SLBP: variants seen among roughly 807,000 people sequenced by gnomAD.
SLBP encodes the protein stem-loop histone mRNA binding protein, also known as histone RNA hairpin-binding protein.
In SLBP, 29 loss-of-function variants were observed where a neutral mutation model predicts 39.2. The ratio of observed to expected loss-of-function variants is 0.74; its 90% confidence interval spans 0.55 to 1.01. The LOEUF (loss-of-function observed/expected upper bound fraction) is 1.01. SLBP is among the 50% of genes least tolerant of loss of function. The probability of loss-of-function intolerance (pLI) is 0.00; values close to 1 mark genes in which losing one functional copy is unlikely to be tolerated. For missense variants in SLBP, 390 were observed against 350.2 expected (o/e 1.11, Z -0.91); for synonymous variants, 129 against 118.7 (o/e 1.09, Z -0.57).
intron 2 of SLBP, among the ~76,000 whole-genome samples, chr4:1,708,619 G>A (rs1403522749): frequency 6.6e-6 from 1 of 152,166 alleles, no homozygotes; most frequent in Non-Finnish European, 1.5e-5. Flanking sequence ...TTTAAAGCCT[G>A]TGTATGTGAA....
In SLBP at chr4:1,703,676, T is replaced by C. The variant is rs140082881; in HGVS notation, c.201A>G (p.Lys67=). 6.9e-3 allele frequency: 11,127 copies of C among 1,612,750 alleles called. 70 individuals carry two copies. The highest frequency in any genetic ancestry group is 7.9e-3 in the Non-Finnish European group (9,339 of 1,178,868). ...PESFTTPEGP[K]PRSRCSDWAS... ...CCCAGTCAGAGCATCTGGAACGGGG[T>C]TTAGGGCCTTCAGGAGTGGTAAAGC... The change falls in exon 3 of 8, where the codon AAA becomes AAG. Residue 67 remains lysine (K), a synonymous_variant. Coordinates refer to ENST00000489418, the MANE Select transcript of SLBP (RefSeq NM_006527.4).
Position 1,693,724 on chromosome 4 carries a change from G to T in SLBP, c.697-11C>A. The T allele has an allele frequency of 6.4e-7, 1 of 1,555,988 alleles. No homozygotes were observed. The highest frequency in any genetic ancestry group is 8.9e-7 in the Non-Finnish European group (1 of 1,127,294). The stretch of plus-strand genomic sequence containing the variant: ...GCCAGAGTACACATCCTGGAAAACA[G>T]AAGCATGGCTCGGTTGACATTCATC... On this transcript the variant is annotated splice_polypyrimidine_tract_variant and intron_variant, in intron 7 of 7. Coordinates refer to ENST00000489418, the MANE Select transcript of SLBP (RefSeq NM_006527.4).
At position 1,694,774 on chromosome 4, in the gene SLBP, A is replaced by G. The variant is rs1423801824; in HGVS notation, c.696T>C (p.Phe232=). The change falls in exon 7 of 8, where the codon TTT becomes TTC. Residue 232 remains phenylalanine, a splice_region_variant and synonymous_variant. Transcript: ENST00000489418. ...TGAAAGACTTATCCAAAGTACTTAC[A>G]AAGTCATCCTGAGAGCTGGTCTGGG... is the stretch of plus-strand genomic sequence containing the variant. The part of the protein sequence containing the change: ...SEPQTSSQDD[F]DVYSGTPTKV... 3.1e-6 allele frequency: 5 copies of G among 1,609,760 alleles called. No individual in the cohort carries two copies. The highest frequency in any genetic ancestry group is 4.3e-6 in the Non-Finnish European group (5 of 1,175,960).
At chr4:1,697,257 C>G (rs1484623098) in intron 5 of SLBP, among the ~76,000 whole-genome samples, 1 of 145,672 alleles carries the variant, frequency 6.9e-6, no homozygotes, top group African/African-American at 2.5e-5. Context: ...CACCTGAGAT[C>G]AGAAGTTCAA....
intron 2 of SLBP, among the ~76,000 whole-genome samples, chr4:1,706,064 G>A (rs1297134173): frequency 2.6e-5 from 4 of 152,094 alleles, no homozygotes. Flanking sequence ...GCGGGTGGAT[G>A]ACCCAAGGTA....
At chr4:1,696,116 C>A (rs1213781519) in intron 6 of SLBP, 86 bp downstream of exon 6, 3 of 1,229,992 alleles carry the variant, frequency 2.4e-6, no homozygotes, top group African/African-American at 1.6e-5. Flanking sequence ...GACTTGGCAC[C>A]AGACCTCCTG....
At chr4:1,695,316 G>A (rs1477895723) in intron 6 of SLBP, among the ~76,000 whole-genome samples, 5 of 152,200 alleles carry the variant, frequency 3.3e-5, no homozygotes, top group African/African-American at 1.2e-4. Flanking sequence ...GCACAGAGGA[G>A]AAACTCTAAT....
Position 1,699,705 on chromosome 4 carries a change from A to G in SLBP, c.342-4T>C. The G allele has an allele frequency of 6.2e-7, 1 of 1,613,264 alleles. No homozygotes were observed. The highest frequency in any genetic ancestry group is 1.1e-5 in the South Asian group (1 of 91,068). ...CATAGACTCCTTTGAATCAGAACTG[A>G]AAAAACAACAGATTAACAGAATAAG... On this transcript the variant is annotated splice_polypyrimidine_tract_variant and splice_region_variant and intron_variant, in intron 4 of 7. Transcript: ENST00000489418.
Position 1,712,133 on chromosome 4 carries a change from G to T in SLBP, c.56C>A (p.Ala19Asp), listed in dbSNP as rs575345503. ...PRHQSRCDGD[A>D]SPPSPARWSL... Reference sequence around the variant, plus strand: ...CCGCCGCGCAGCCCGGCCTCACCTGGCGTCACCGTCGCAGCGGCTCTGATG... The same window carrying T: ...CCGCCGCGCAGCCCGGCCTCACCTGTCGTCACCGTCGCAGCGGCTCTGATG... The change falls in exon 1 of 8, where the codon GCC becomes GAC. Residue 19 changes from alanine to aspartate, a missense_variant. By Grantham distance (126) the Ala-to-Asp change is moderately radical. Transcript: ENST00000489418. 4.1e-6 allele frequency: 5 copies of T among 1,231,662 alleles called. No individual in the cohort carries two copies. In the Admixed American group the frequency reaches 1.3e-4, roughly 32 times the overall value. The allele number at this position is 1,231,662 out of a possible 1,614,324, so 76.3% of individuals were successfully genotyped here.
At chr4:1,704,926 C>T (rs1478650224) in intron 2 of SLBP, among the ~76,000 whole-genome samples, 4 of 146,924 alleles carry the variant, frequency 2.7e-5, no homozygotes, top group Non-Finnish European at 4.5e-5. Context: ...CTGACCCATT[C>T]TTTTTTTTTT....
At chr4:1,708,858 T>C (rs1273366516) in intron 2 of SLBP, among the ~76,000 whole-genome samples, 2 of 152,212 alleles carry the variant, frequency 1.3e-5, no homozygotes, top group African/African-American at 4.8e-5. Flanking sequence ...GCAAAGGCCC[T>C]AGGACAGAAG....
At position 1,712,243 on chromosome 4, in the gene SLBP, G is replaced by A. The variant is rs1420398602; in HGVS notation, c.-55C>T. The A allele has an allele frequency of 2.6e-6, 3 of 1,133,244 alleles. No individual in the cohort carries two copies. The highest frequency in any genetic ancestry group is 2.4e-5 in the South Asian group (1 of 42,468). The allele number at this position is 1,133,244 out of a possible 1,614,324, so 70.2% of individuals were successfully genotyped here. The stretch of plus-strand genomic sequence containing the variant: ...GCCGAGGCTGAGGCGGCGGCGGCGC[G>A]GGCAGAGAGCGCAGAGTAGAGCAGG... On this transcript the variant is annotated 5_prime_UTR_variant, in exon 1 of 8. Transcript: ENST00000489418.
At chr4:1,703,501 A>G (rs1716407384) in intron 3 of SLBP, 95 bp downstream of exon 3, 1 of 826,348 alleles carries the variant, frequency 1.2e-6, no homozygotes, top group East Asian at 2.5e-5. Flanking sequence ...TGGAGCCCAG[A>G]CCTTTGAAAA....
intron 3 of SLBP, 98 bp downstream of exon 3, chr4:1,703,498 C>G: frequency 1.2e-6 from 1 of 815,586 alleles, no homozygotes; most frequent in South Asian, 1.4e-5. Flanking sequence ...GTCTGGAGCC[C>G]AGACCTTTGA....
At chr4:1,705,877 A>G (rs7671282) in intron 2 of SLBP, among the ~76,000 whole-genome samples, 2 of 152,170 alleles carry the variant, frequency 1.3e-5, no homozygotes, top group East Asian at 3.8e-4. Flanking sequence ...TCCCAGCTAC[A>G]CAGGAGGCCC....
rs145573176 is a variant in SLBP, at chr4:1,693,703, G to C, written c.707C>G (p.Ser236Cys). ...GTGTCTCACCTTGGTGGGTGTGCCA[G>C]AGTACACATCCTGGAAAACAGAAGC... is the stretch of plus-strand genomic sequence containing the variant. Reference protein sequence around the residue: ...TSSQDDFDVYSGTPTKVRHMD... With the variant: ...TSSQDDFDVYCGTPTKVRHMD... Residue 236 changes from serine (S) to cysteine (C), a missense_variant, in exon 8 of 8, where the codon TCT becomes TGT. Coordinates refer to ENST00000489418, the MANE Select transcript of SLBP (RefSeq NM_006527.4). 3.7e-6 allele frequency: 6 copies of C among 1,608,124 alleles called. No homozygotes were observed. The highest frequency in any genetic ancestry group is 1.3e-5 in the African/African-American group (1 of 74,800).
chr4:1,701,246 A>G (rs915659248), intron 3 of SLBP, among the ~76,000 whole-genome samples: 32 of 149,158 alleles, frequency 2.1e-4, no homozygotes, highest in African/African-American at 7.6e-4. Flanking sequence ...CCCGGGTCCA[A>G]GCGATTCTCC....
chr4:1,712,263 A>AGCAGG lies in SLBP; in HGVS notation c.-80_-76dup, dbSNP rs1201952670. On this transcript the variant is annotated 5_prime_UTR_variant, in exon 1 of 8. Transcript: ENST00000489418. The stretch of plus-strand genomic sequence containing the variant: ...GGCGCGGGCAGAGAGCGCAGAGTAG[A>AGCAGG]GCAGGGCAGGGCCTGAGGCAGAAAC... 1.7e-4 allele frequency: 167 copies of AGCAGG among 960,366 alleles called. No homozygotes were observed. Among genetic ancestry groups the AGCAGG allele is most frequent in the Non-Finnish European group, 2.3e-4 (162 of 716,896 alleles). The allele number at this position is 960,366 out of a possible 1,614,324, so 59.5% of individuals were successfully genotyped here.
Position 1,696,199 on chromosome 4 carries a change from T to C in SLBP, c.629+3A>G. The C allele has an allele frequency of 1.9e-6, 3 of 1,587,794 alleles. No homozygotes were observed. The highest frequency in any genetic ancestry group is 1.7e-6 in the Non-Finnish European group (2 of 1,168,848). On this transcript the variant is annotated splice_donor_region_variant and intron_variant, in intron 6 of 7. Transcript: ENST00000489418. ...ACAGGACAAGAATGCAATAAAGACA[T>C]ACATTTCTTGCAAATCACATCCTTC...
Sources: gnomAD v4.1 joint callset for allele counts (sites outside exome capture counted in the v4.1 genomes callset) on GRCh38, gnomAD v4.1.1 for gene constraint, MANE v1.5 for transcripts, NCBI Gene and HGNC (gene_info 2026-07-23, HGNC 2026-07-21) for gene names.